RABGAP1L: variants seen among roughly 807,000 people sequenced by gnomAD.
RABGAP1L encodes rab GTPase-activating protein 1-like.
RABGAP1L carries 63 observed loss-of-function variants against 137.7 expected under a neutral mutation model. The ratio of observed to expected loss-of-function variants is 0.46; its 90% CI spans 0.37 to 0.56. The LOEUF (loss-of-function observed/expected upper bound fraction) is 0.56. Ranked by LOEUF, RABGAP1L falls within the 20% of genes least tolerant of loss-of-function variation. The probability of loss-of-function intolerance (pLI) is 0.00; values close to 1 mark genes in which losing one functional copy is unlikely to be tolerated. For missense variants in RABGAP1L, 1,095 were observed against 1,244.0 expected, an observed-to-expected ratio of 0.88 and a Z score of 1.80; for synonymous variants, 431 against 433.7, an observed-to-expected ratio of 0.99 and a Z score of 0.08.
intron 13 of RABGAP1L, among the ~76,000 whole-genome samples, chr1:174,469,131 G>C (rs565298915): frequency 1.3e-5 from 2 of 152,234 alleles, no homozygotes; most frequent in African/African-American, 2.4e-5. Flanking sequence ...AAGTGCAGCT[G>C]TTACTGTATT....
At chr1:174,650,549 T>C (rs1233179263) in intron 14 of RABGAP1L, among the ~76,000 whole-genome samples, 4 of 152,180 alleles carry the variant, frequency 2.6e-5, no homozygotes, top group Admixed American at 6.5e-5. Context: ...AACTTCTTCC[T>C]GGTTTAGTCT....
chr1:174,877,434 T>C (rs756398305), intron 19 of RABGAP1L: 128 of 1,603,076 alleles, frequency 8.0e-5, no homozygotes, highest in Non-Finnish European at 8.2e-5. Context: ...GGATTTTTCC[T>C]TGGATAGTCT....
At chr1:174,172,175 CTTGTGT>C (rs1350785268) in intron 1 of RABGAP1L, among the ~76,000 whole-genome samples, 6 of 91,174 alleles carry the variant, frequency 6.6e-5, no homozygotes, top group Non-Finnish European at 1.0e-4. Flanking sequence ...ATAATATTCC[CTTGTGT>C]GTGTGTGTGT....
chr1:174,247,365 C>A (rs1159730362), intron 5 of RABGAP1L, among the ~76,000 whole-genome samples: 2 of 152,138 alleles, frequency 1.3e-5, no homozygotes, highest in Non-Finnish European at 2.9e-5. Context: ...CCCAAAACCC[C>A]CTAACAGCAG....
intron 13 of RABGAP1L, among the ~76,000 whole-genome samples, chr1:174,522,823 A>T (rs1014854132): frequency 1.3e-5 from 2 of 152,166 alleles, no homozygotes; most frequent in African/African-American, 4.8e-5. Context: ...AAAGGATCAG[A>T]TCTTATGAGA....
At chr1:174,875,311 T>A (rs1277215127) in intron 19 of RABGAP1L, among the ~76,000 whole-genome samples, 3 of 152,240 alleles carry the variant, frequency 2.0e-5, no homozygotes, top group Admixed American at 6.5e-5. Flanking sequence ...TATTTAAAAT[T>A]GTTTTTTCTG....
At chr1:174,771,758 A>G (rs981885307) in intron 18 of RABGAP1L, among the ~76,000 whole-genome samples, 1 of 152,254 alleles carries the variant, frequency 6.6e-6, no homozygotes, top group Non-Finnish European at 1.5e-5. Flanking sequence ...GCTACCATCA[A>G]TAACAATATA....
chr1:174,215,238 C>A (rs994401949), intron 1 of RABGAP1L, among the ~76,000 whole-genome samples: 9 of 152,120 alleles, frequency 5.9e-5, no homozygotes, highest in Non-Finnish European at 1.2e-4. Context: ...GAGTAGATCA[C>A]CTGGGGTCAG....
At chr1:174,171,143 C>T (rs1289588250) in intron 1 of RABGAP1L, among the ~76,000 whole-genome samples, 1 of 152,136 alleles carries the variant, frequency 6.6e-6, no homozygotes, top group South Asian at 2.1e-4. Context: ...ATGTAAATAA[C>T]AGGTGACCTA....
rs528629320 is a variant in RABGAP1L at position 174,647,293 on chromosome 1, A to C, written c.1824+9805A>C. Among the ~76,000 whole-genome samples, 15 of 152,278 alleles carry C rather than the reference A, an allele frequency of 9.9e-5. No homozygotes were observed. In the East Asian group the frequency reaches 2.9e-3, roughly 29 times the overall value. On this transcript the variant is annotated intron_variant, in intron 14 of 25. Coordinates refer to ENST00000681986, the MANE Select transcript of RABGAP1L (RefSeq NM_001366446.1). ...GCATCCTTGTCTTGTGCCGGTTTTC[A>C]AAGGGAGTGCTTCCAGCTTTTGCCC...
intron 14 of RABGAP1L, among the ~76,000 whole-genome samples, chr1:174,681,311 T>G (rs1164710349): frequency 6.6e-6 from 1 of 152,178 alleles, no homozygotes; most frequent in Non-Finnish European, 1.5e-5. Context: ...AACAGAGGAA[T>G]GAATAAACAG....
At chr1:174,749,889 T>C (rs1684205742) in intron 17 of RABGAP1L, among the ~76,000 whole-genome samples, 1 of 151,840 alleles carries the variant, frequency 6.6e-6, no homozygotes, top group Non-Finnish European at 1.5e-5. Flanking sequence ...TTTATTTTAT[T>C]TTTTTTGAGA....
chr1:174,329,467 T>G (rs1680825335), intron 11 of RABGAP1L, among the ~76,000 whole-genome samples: 1 of 152,166 alleles, frequency 6.6e-6, no homozygotes, highest in African/African-American at 2.4e-5. Context: ...AAGGAACTCT[T>G]TCAAACCCAT....
At chr1:174,944,027 A>G (rs181406187) in intron 19 of RABGAP1L, among the ~76,000 whole-genome samples, 3 of 152,014 alleles carry the variant, frequency 2.0e-5, no homozygotes, top group Non-Finnish European at 2.9e-5. Flanking sequence ...TCCCAGCACT[A>G]TGGAAGGCTT....
intron 21 of RABGAP1L, among the ~76,000 whole-genome samples, chr1:174,971,183 C>T (rs1302546009): frequency 6.6e-6 from 1 of 151,360 alleles, no homozygotes; most frequent in African/African-American, 2.4e-5. Context: ...ACTTAACCAC[C>T]ATAGGTTAAC....
rs1385463272 is a variant in RABGAP1L at position 174,448,336 on chromosome 1, T to C, written c.1710+54191T>C. On this transcript the variant is annotated intron_variant, in intron 13 of 25. Transcript: ENST00000681986. The surrounding 1 kb of genome is among the most constrained non-coding windows in gnomAD (Gnocchi z 4.2). ...GTGCTCCACTGTTACATCATTATAC[T>C]ACCAGCTATTTCATTCAGACGATGG... is the stretch of plus-strand genomic sequence containing the variant. The C allele has an allele frequency of 1.2e-6, 2 of 1,613,720 alleles. No individual in the cohort carries two copies. Among genetic ancestry groups the C allele is most frequent in the Admixed American group, 1.7e-5 (1 of 60,012 alleles).
At chr1:174,305,480 G>A (rs558538194) in intron 11 of RABGAP1L, among the ~76,000 whole-genome samples, 2 of 152,104 alleles carry the variant, frequency 1.3e-5, no homozygotes, top group Non-Finnish European at 2.9e-5. Flanking sequence ...TGCCTCCCGG[G>A]TTCAAACAAT....
At chr1:174,466,289 A>G (rs1212022382) in intron 13 of RABGAP1L, among the ~76,000 whole-genome samples, 1 of 152,196 alleles carries the variant, frequency 6.6e-6, no homozygotes, top group African/African-American at 2.4e-5. Flanking sequence ...TGTTGTCTTT[A>G]AAGTTAGCAA....
chr1:174,229,489 G>A (rs1670456606), intron 3 of RABGAP1L, among the ~76,000 whole-genome samples: 1 of 152,132 alleles, frequency 6.6e-6, no homozygotes, highest in African/African-American at 2.4e-5. Flanking sequence ...CACAGGAACA[G>A]TTGTGACCTG....
Sources: gnomAD v4.1 joint callset for allele counts (sites outside exome capture counted in the v4.1 genomes callset) on GRCh38, gnomAD v4.1.1 for gene constraint, Gnocchi (gnomAD v3.1) non-coding constraint, MANE v1.5 for transcripts, NCBI Gene and HGNC (gene_info 2026-07-23, HGNC 2026-07-21) for gene names.